STAB2: variants seen among roughly 807,000 people sequenced by gnomAD.
STAB2 encodes the protein stabilin-2.
Under a neutral mutation model 338.1 loss-of-function variants are expected in STAB2, and 288 were observed. That is an observed-to-expected ratio of 0.85 (90% CI 0.77 to 0.94). The LOEUF is 0.94. STAB2 is among the 40% of genes least tolerant of loss of function. The probability of loss-of-function intolerance (pLI) is 0.00; values close to 1 mark genes in which losing one functional copy is unlikely to be tolerated. For missense variants in STAB2, 3,141 were observed against 3,210.1 expected, an observed-to-expected ratio of 0.98 and a Z score of 0.52; for synonymous variants, 1,202 against 1,193.3, an observed-to-expected ratio of 1.01 and a Z score of -0.15.
At position 103,755,315 on chromosome 12, in the gene STAB2, T is replaced by C; in HGVS notation, c.6728T>C (p.Leu2243Pro). The C allele has an allele frequency of 6.2e-7, 1 of 1,614,034 alleles. No individual in the cohort carries two copies. Among genetic ancestry groups the C allele is most frequent in the Non-Finnish European group, 8.5e-7 (1 of 1,180,018 alleles). Residue 2243 changes from leucine to proline, a missense_variant, in exon 62 of 69, where the codon CTG (leucine) becomes CCG (proline). Coordinates refer to ENST00000388887, the MANE Select transcript of STAB2 (RefSeq NM_017564.10). ...GTATCCCTGCAGGCCAAGTACCACC[T>C]GTGCTCAGCAGGCTGGCTGGAGACC... ...LSYAQKAKYH[L>P]CSAGWLETGR...
intron 63 of STAB2, among the ~76,000 whole-genome samples, chr12:103,756,796 A>C (rs1443726206): frequency 2.0e-5 from 3 of 152,036 alleles, no homozygotes; most frequent in African/African-American, 7.2e-5. Flanking sequence ...GTCTCTGTCC[A>C]CAGACCAAAG....
intron 29 of STAB2, 106 bp downstream of exon 29, chr12:103,690,088 G>A: frequency 1.4e-6 from 2 of 1,464,902 alleles, no homozygotes; most frequent in Non-Finnish European, 1.8e-6. Context: ...AATTCGTGGA[G>A]CTGAACATGT....
chr12:103,689,407 T>G (rs1877723767), intron 28 of STAB2, among the ~76,000 whole-genome samples: 1 of 150,972 alleles, frequency 6.6e-6, no homozygotes, highest in Non-Finnish European at 1.5e-5. Context: ...TGCTTGAACC[T>G]GGGAGGCGGA....
intron 4 of STAB2, among the ~76,000 whole-genome samples, chr12:103,621,117 G>T (rs990886830): frequency 6.6e-6 from 1 of 151,738 alleles, no homozygotes. Flanking sequence ...AAAAAAAAAA[G>T]TTTGAAACAG....
chr12:103,631,654 G>A lies in STAB2; in HGVS notation c.544G>A (p.Glu182Lys). ...TGGACTAGATGGCGATGGAACCTGTGAGTGCTACTCTGCGTACACTGGCCC... is the reference window on the plus strand; with the variant it reads ...TGGACTAGATGGCGATGGAACCTGTAAGTGCTACTCTGCGTACACTGGCCC... Reference protein sequence around the residue: ...NSGLDGDGTCECYSAYTGPKC... With the variant: ...NSGLDGDGTCKCYSAYTGPKC... The change falls in exon 6 of 69, where the codon GAG becomes AAG. Residue 182 changes from glutamate to lysine, a missense_variant. By Grantham distance (56) the Glu-to-Lys change is moderately conservative. Transcript: ENST00000388887. The A allele has an allele frequency of 6.2e-7, 1 of 1,614,188 alleles. No individual in the cohort carries two copies. The highest frequency in any genetic ancestry group is 1.1e-5 in the South Asian group (1 of 91,082).
chr12:103,692,262 A>G (rs703649), intron 30 of STAB2, among the ~76,000 whole-genome samples: 97,715 of 152,028 alleles, frequency 0.64, 31,561 homozygotes, highest in East Asian at 0.81. Context: ...TTCTTGTGAG[A>G]ACACCAGTCA....
In STAB2 at chr12:103,703,273, A is replaced by T; in HGVS notation, c.3840A>T (p.Ile1280=). 1 of 1,612,436 alleles carries T rather than the reference A, an allele frequency of 6.2e-7. No homozygotes were observed. The highest frequency in any genetic ancestry group is 8.5e-7 in the Non-Finnish European group (1 of 1,179,978). ...NRCDNNDTTI[I]RGRCRTCSSE... ...GTGATAATAATGACACTACTATTATACGAGTAAGTTCTATGGGCCAGAGCC... is the reference window on the plus strand; with the variant it reads ...GTGATAATAATGACACTACTATTATTCGAGTAAGTTCTATGGGCCAGAGCC... The change falls in exon 35 of 69, where the codon ATA becomes ATT. Residue 1280 remains isoleucine, a synonymous_variant. Coordinates refer to ENST00000388887, the MANE Select transcript of STAB2 (RefSeq NM_017564.10).
chr12:103,680,327 AAC>A (rs1876784525), intron 25 of STAB2, among the ~76,000 whole-genome samples: 1 of 152,220 alleles, frequency 6.6e-6, no homozygotes. Flanking sequence ...AAGAAAAAAA[AAC>A]TGGTTTAAAA....
intron 15 of STAB2, among the ~76,000 whole-genome samples, 165 bp downstream of exon 15, chr12:103,655,746 G>C (rs1442135029): frequency 2.6e-5 from 4 of 152,032 alleles, no homozygotes; most frequent in African/African-American, 9.7e-5. Flanking sequence ...CAACATTCTG[G>C]AACTAAGCCT....
At chr12:103,683,034 G>A (rs931120035) in intron 25 of STAB2, among the ~76,000 whole-genome samples, 171 bp from the exon 26 acceptor site, 8 of 152,104 alleles carry the variant, frequency 5.3e-5, no homozygotes, top group African/African-American at 1.9e-4. Flanking sequence ...AGAATATGGA[G>A]ACTAATAACT....
At chr12:103,643,881 C>T (rs74192338) in intron 9 of STAB2, among the ~76,000 whole-genome samples, 24,257 of 134,842 alleles carry the variant, frequency 0.18, 1,712 homozygotes, top group South Asian at 0.31. Context: ...AGGTGAGGGG[C>T]GCCTCTGCCC....
rs771485014 is a variant in STAB2 at position 103,703,232 on chromosome 12, A to G, written c.3799A>G (p.Ile1267Val). ...CCATGGCTTGGGAAAAGTTCTGGAA[A>G]TTCAGAAGAACAGATGTGATAATAA... is the stretch of plus-strand genomic sequence containing the variant. ...VIHGLGKVLE[I>V]QKNRCDNNDT... Residue 1267 changes from isoleucine (I) to valine (V), a missense_variant, in exon 35 of 69, where the codon ATT (isoleucine) becomes GTT (valine). Transcript: ENST00000388887. 2 of 1,613,882 alleles carry G rather than the reference A, an allele frequency of 1.2e-6. No homozygotes were observed. Among genetic ancestry groups the G allele is most frequent in the Non-Finnish European group, 1.7e-6 (2 of 1,180,038 alleles).
rs2139001811 is a variant in STAB2 at position 103,711,465 on chromosome 12, T to C, written c.4289-6T>C. 1 of 1,614,120 alleles carries C rather than the reference T, an allele frequency of 6.2e-7. No individual in the cohort carries two copies. The highest frequency in any genetic ancestry group is 8.5e-7 in the Non-Finnish European group (1 of 1,180,020). ...GGCTAAGACAGCAACTGGTTCTCTT[T>C]TTCAGCAACCACAGAAGACAACTGC... is the stretch of plus-strand genomic sequence containing the variant. On this transcript the variant is annotated splice_region_variant and splice_polypyrimidine_tract_variant and intron_variant, in intron 39 of 68. Coordinates refer to ENST00000388887, the MANE Select transcript of STAB2 (RefSeq NM_017564.10).
At chr12:103,670,014 A>G (rs1243393671) in intron 21 of STAB2, among the ~76,000 whole-genome samples, 2 of 152,206 alleles carry the variant, frequency 1.3e-5, no homozygotes, top group African/African-American at 4.8e-5. Flanking sequence ...TTTTGAACCT[A>G]TGAGCAAAAC....
At chr12:103,615,651 A>G (rs1377667982) in intron 3 of STAB2, among the ~76,000 whole-genome samples, 8 of 152,164 alleles carry the variant, frequency 5.3e-5, no homozygotes. Flanking sequence ...ATGAAGAAAT[A>G]CCCAAGCCTG....
intron 19 of STAB2, 57 bp downstream of exon 19, chr12:103,666,410 T>C: frequency 6.4e-7 from 1 of 1,560,646 alleles, no homozygotes; most frequent in Non-Finnish European, 8.8e-7. Context: ...ACTGGTGTGG[T>C]TTCTCAACCT....
chr12:103,650,694 G>A, intron 11 of STAB2, 116 bp downstream of exon 11: 2 of 761,088 alleles, frequency 2.6e-6, no homozygotes, highest in South Asian at 3.8e-5. Context: ...CTGATGATAA[G>A]GATGGTGATT....
In STAB2 at chr12:103,742,432, G is replaced by T. The variant is rs1188907433; in HGVS notation, c.5909G>T (p.Cys1970Phe). 1 of 1,614,156 alleles carries T rather than the reference G, an allele frequency of 6.2e-7. No homozygotes were observed. Reference protein sequence around the residue: ...QACPGGPDAPCNNRGVCLDQY... With the variant: ...QACPGGPDAPFNNRGVCLDQY... ...TGCCCTGGAGGACCAGATGCCCCGT[G>T]TAATAACCGGGGTGTCTGCCTTGAT... The change falls in exon 56 of 69, where the codon TGT becomes TTT. Residue 1970 changes from cysteine (C) to phenylalanine (F), a missense_variant. Transcript: ENST00000388887.
chr12:103,705,924 A>G (rs1050123126), intron 37 of STAB2, among the ~76,000 whole-genome samples, 197 bp downstream of exon 37: 23 of 152,224 alleles, frequency 1.5e-4, no homozygotes, highest in African/African-American at 5.3e-4. Context: ...GAAAATGGGT[A>G]AAAGCTGCAA....
Sources: allele counts gnomAD v4.1 joint callset (sites outside exome capture counted in the v4.1 genomes callset), GRCh38; gene constraint gnomAD v4.1.1; transcripts MANE v1.5; gene names NCBI Gene and HGNC (gene_info 2026-07-23, HGNC 2026-07-21).